The following SLC36A4 variants were observed in gnomAD, a reference collection of about 807,000 sequenced individuals.
SLC36A4 encodes the protein solute carrier family 36 member 4.
A neutral mutation model predicts 50.5 loss-of-function variants in SLC36A4; 49 were observed. The observed-to-expected ratio is 0.97, with a 90% confidence interval of 0.77 to 1.23. The LOEUF is 1.23. Among genes scored for constraint, SLC36A4 ranks in the 50% most tolerant of loss-of-function variants. The probability of loss-of-function intolerance (pLI) is 0.00; values close to 1 mark genes in which losing one functional copy is unlikely to be tolerated. For synonymous variants in SLC36A4, 207 were observed against 206.5 expected, an observed-to-expected ratio of 1.00 and a Z score of -0.02; for missense variants, 611 against 608.4, an observed-to-expected ratio of 1.00 and a Z score of -0.05.
chr11:93,175,015 AG>A (rs1861387557), intron 6 of SLC36A4, among the ~76,000 whole-genome samples: 1 of 151,890 alleles, frequency 6.6e-6, no homozygotes, highest in Non-Finnish European at 1.5e-5. Context: ...TACTTTCAGA[AG>A]GAATGGTACC....
rs1468775462 is a variant in SLC36A4, at chr11:93,148,236, G to C, written c.*301C>G. On this transcript the variant is annotated 3_prime_UTR_variant, in exon 11 of 11. Coordinates refer to ENST00000326402, the MANE Select transcript of SLC36A4 (RefSeq NM_152313.4). ...CATAAAAGAGAGATAACTTGGTTAA[G>C]GTATTTCTTACTGAGATAAAAGAAT... 1 of 226,516 alleles carries C rather than the reference G, an allele frequency of 4.4e-6. No homozygotes were observed. The highest frequency in any genetic ancestry group is 2.4e-5 in the African/African-American group (1 of 42,184). The allele number at this position is 226,516 out of a possible 1,614,324, so 14.0% of individuals were successfully genotyped here.
chr11:93,156,821 T>C (rs1317875368), intron 9 of SLC36A4, among the ~76,000 whole-genome samples: 1 of 152,212 alleles, frequency 6.6e-6, no homozygotes, highest in East Asian at 1.9e-4. Flanking sequence ...ACTCTGTTGA[T>C]AGTTTTCTGT....
chr11:93,181,406 A>G (rs1861725777), intron 5 of SLC36A4, among the ~76,000 whole-genome samples: 2 of 152,066 alleles, frequency 1.3e-5, no homozygotes, highest in African/African-American at 4.8e-5. Context: ...TGCTTTATAA[A>G]TATCATTTTA....
At chr11:93,160,173 G>T in intron 9 of SLC36A4, 1 of 985,344 alleles carries the variant, frequency 1.0e-6, no homozygotes, top group Non-Finnish European at 1.2e-6. Context: ...GTATTCCTCA[G>T]TTGTGACTAT....
intron 1 of SLC36A4, 174 bp downstream of exon 1, chr11:93,197,604 A>G: frequency 1.4e-6 from 1 of 695,672 alleles, no homozygotes; most frequent in South Asian, 1.8e-5. Flanking sequence ...TCGTCTGACC[A>G]AGTTCTCGGG....
intron 5 of SLC36A4, among the ~76,000 whole-genome samples, chr11:93,181,144 T>C (rs1861714534): frequency 6.6e-6 from 1 of 152,072 alleles, no homozygotes; most frequent in South Asian, 2.1e-4. Context: ...GGTAGCACTT[T>C]GCTGACTGCT....
chr11:93,163,742 A>G (rs994373521), intron 8 of SLC36A4, among the ~76,000 whole-genome samples: 2 of 151,978 alleles, frequency 1.3e-5, no homozygotes, highest in African/African-American at 4.8e-5. Context: ...GATTAGTTCT[A>G]TCGCCTGGAG....
At position 93,144,680 on chromosome 11, in the gene SLC36A4, T is replaced by G. The variant is rs1015878108; in HGVS notation, c.*3857A>C. Reference sequence around the variant, plus strand: ...GTCAAAACCAATCAGTTTCAGAAAGTTTAGCCTAGTAAGTGCCAATGGCAT... The same window carrying G: ...GTCAAAACCAATCAGTTTCAGAAAGGTTAGCCTAGTAAGTGCCAATGGCAT... On this transcript the variant is annotated 3_prime_UTR_variant, in exon 11 of 11. Coordinates refer to ENST00000326402, the MANE Select transcript of SLC36A4 (RefSeq NM_152313.4). 1.8e-4 allele frequency: 27 copies of G among 152,032 alleles called. No homozygotes were observed. Among genetic ancestry groups the G allele is most frequent in the Non-Finnish European group, 3.2e-4 (22 of 67,962 alleles). 9.4% of individuals were successfully genotyped at this position (152,032 alleles called of 1,614,324 possible).
At chr11:93,165,279 A>G (rs1396488304) in intron 8 of SLC36A4, among the ~76,000 whole-genome samples, 1 of 152,184 alleles carries the variant, frequency 6.6e-6, no homozygotes, top group Non-Finnish European at 1.5e-5. Context: ...ATTTTCCCCA[A>G]GTCTACAAAT....
rs369502403 is a variant in SLC36A4 at position 93,148,506 on chromosome 11, C to T, written c.*31G>A. On this transcript the variant is annotated 3_prime_UTR_variant, in exon 11 of 11. Coordinates refer to ENST00000326402, the MANE Select transcript of SLC36A4 (RefSeq NM_152313.4). ...ATCTTGATAATTTTCAGAAATGGGACAAAAATAGAAGACTCATGATTCTGC... is the reference window on the plus strand; with the variant it reads ...ATCTTGATAATTTTCAGAAATGGGATAAAAATAGAAGACTCATGATTCTGC... The T allele has an allele frequency of 1.5e-5, 24 of 1,569,498 alleles. No individual in the cohort carries two copies. The African/African-American group carries it at 3.2e-4, about 21-fold the overall frequency.
intron 6 of SLC36A4, among the ~76,000 whole-genome samples, chr11:93,174,779 T>G (rs1283610038): frequency 6.9e-6 from 1 of 145,880 alleles, no homozygotes; most frequent in Non-Finnish European, 1.5e-5. Context: ...GAACCAGCCT[T>G]GCATCCCAGG....
intron 6 of SLC36A4, chr11:93,171,711 C>T (rs2134667771): frequency 6.6e-6 from 1 of 152,020 alleles, no homozygotes; most frequent in South Asian, 2.1e-4. Flanking sequence ...GCATAATTTC[C>T]ATCATATTAT....
intron 1 of SLC36A4, among the ~76,000 whole-genome samples, chr11:93,193,472 T>C (rs772986780): frequency 6.6e-6 from 1 of 152,172 alleles, no homozygotes; most frequent in Admixed American, 6.5e-5. Flanking sequence ...AATGATGCCT[T>C]ATAAACTAAA....
chr11:93,164,414 C>T (rs1860770704), intron 8 of SLC36A4, among the ~76,000 whole-genome samples: 1 of 152,104 alleles, frequency 6.6e-6, no homozygotes, highest in Non-Finnish European at 1.5e-5. Flanking sequence ...ACCTAAGTAA[C>T]AATAATAGCA....
intron 7 of SLC36A4, chr11:93,166,504 G>T: frequency 1.4e-6 from 1 of 700,168 alleles, no homozygotes; most frequent in Non-Finnish European, 1.8e-6. Context: ...GCCCAAAACA[G>T]GTTTCCTTCT....
intron 6 of SLC36A4, among the ~76,000 whole-genome samples, chr11:93,176,642 T>C (rs1041261882): frequency 6.6e-6 from 1 of 152,106 alleles, no homozygotes; most frequent in Non-Finnish European, 1.5e-5. Context: ...AGGGCAGGCC[T>C]GGTAGTGACA....
At chr11:93,194,341 A>C (rs1862334354) in intron 1 of SLC36A4, among the ~76,000 whole-genome samples, 2 of 151,072 alleles carry the variant, frequency 1.3e-5, no homozygotes, top group Non-Finnish European at 3.0e-5. Context: ...AAATAGTTTC[A>C]TTTTTTAAAA....
At chr11:93,194,862 G>A (rs1458613843) in intron 1 of SLC36A4, among the ~76,000 whole-genome samples, 1 of 152,112 alleles carries the variant, frequency 6.6e-6, no homozygotes, top group Non-Finnish European at 1.5e-5. Context: ...TACTTGACAT[G>A]TGCACTTTGA....
chr11:93,168,117 A>T lies in SLC36A4; in HGVS notation c.595T>A (p.Ser199Thr). Reference sequence around the variant, plus strand: ...ACACTTCTTCTCTCACAAGGGTTTGATGAATTGGTACTATTTGAAATAAAC... The same window carrying T: ...ACACTTCTTCTCTCACAAGGGTTTGTTGAATTGGTACTATTTGAAATAAAC... ...KVFISNSTNSSNPCERRSVDL... is the reference protein window; with the variant it reads ...KVFISNSTNSTNPCERRSVDL... Residue 199 changes from serine to threonine, a missense_variant, in exon 7 of 11, where the codon TCA (serine) becomes ACA (threonine). Transcript: ENST00000326402. The T allele has an allele frequency of 6.2e-7, 1 of 1,612,578 alleles. No individual in the cohort carries two copies. Among genetic ancestry groups the T allele is most frequent in the Non-Finnish European group, 8.5e-7 (1 of 1,179,082 alleles).
Sources: gnomAD v4.1 joint callset for allele counts (sites outside exome capture counted in the v4.1 genomes callset) on GRCh38, gnomAD v4.1.1 for gene constraint, MANE v1.5 for transcripts, NCBI Gene and HGNC (gene_info 2026-07-23, HGNC 2026-07-21) for gene names.